The following SAFB2 variants were observed in gnomAD, a reference collection of about 807,000 sequenced individuals.
SAFB2 encodes the protein scaffold attachment factor B2.
A neutral mutation model predicts 100.6 loss-of-function variants in SAFB2; 32 were observed. The observed-to-expected ratio is 0.32, with a 90% CI of 0.24 to 0.43. SAFB2 has a LOEUF of 0.43. Ranked by LOEUF, SAFB2 falls within the 20% of genes least tolerant of loss-of-function variation. SAFB2 has a pLI of 1.00. For synonymous variants in SAFB2, 500 were observed against 439.4 expected, an observed-to-expected ratio of 1.14 and a Z score of -1.72; for missense variants, 1,185 against 1,163.4, an observed-to-expected ratio of 1.02 and a Z score of -0.27.
intron 2 of SAFB2, among the ~76,000 whole-genome samples, chr19:5,619,727 C>T (rs1270098732): frequency 2.6e-5 from 4 of 151,966 alleles, no homozygotes; most frequent in Non-Finnish European, 5.9e-5. Flanking sequence ...CACCTGTAAT[C>T]GCAGCTACTC....
intron 9 of SAFB2, among the ~76,000 whole-genome samples, chr19:5,609,304 T>C (rs1363956367): frequency 6.8e-6 from 1 of 147,968 alleles, no homozygotes; most frequent in East Asian, 2.0e-4. Flanking sequence ...TTCATTCTTT[T>C]TTTTTTTTTT....
At chr19:5,599,323 C>T (rs1269805259) in intron 12 of SAFB2, among the ~76,000 whole-genome samples, 3 of 152,214 alleles carry the variant, frequency 2.0e-5, no homozygotes, top group Non-Finnish European at 4.4e-5. Flanking sequence ...GTGGGCTTCC[C>T]TCCATTCATC....
chr19:5,590,264 G>A lies in SAFB2; in HGVS notation c.2525+14C>T, dbSNP rs765596918. On this transcript the variant is annotated intron_variant, in intron 18 of 20. Coordinates refer to ENST00000252542, the MANE Select transcript of SAFB2 (RefSeq NM_014649.3). Reference sequence around the variant, plus strand: ...GACAGATGCTCCCCACCCGGCTGGGGCTCACCCACTAACCTGGGGGGAGGG... The same window carrying A: ...GACAGATGCTCCCCACCCGGCTGGGACTCACCCACTAACCTGGGGGGAGGG... The A allele has an allele frequency of 4.4e-6, 7 of 1,574,812 alleles. No individual in the cohort carries two copies. The East Asian group carries it at 1.4e-4, about 31-fold the overall frequency.
chr19:5,603,061 G>A (rs1267907094), intron 11 of SAFB2, among the ~76,000 whole-genome samples: 1 of 152,042 alleles, frequency 6.6e-6, no homozygotes, highest in East Asian at 1.9e-4. Flanking sequence ...CTTGAGGCCA[G>A]GGTGGAAACC....
intron 4 of SAFB2, 126 bp downstream of exon 4, chr19:5,616,006 C>T: frequency 3.7e-6 from 3 of 815,840 alleles, no homozygotes; most frequent in Non-Finnish European, 4.0e-6. Flanking sequence ...GGTTTAACAC[C>T]AGGGTGTAGA....
intron 12 of SAFB2, among the ~76,000 whole-genome samples, chr19:5,599,216 A>G (rs879644360): frequency 6.6e-5 from 10 of 152,052 alleles, no homozygotes; most frequent in African/African-American, 1.9e-4. Flanking sequence ...GAGCTGGTCT[A>G]TGCTGTCACT....
intron 14 of SAFB2, among the ~76,000 whole-genome samples, 191 bp downstream of exon 14, chr19:5,595,170 C>G (rs2052509026): frequency 6.6e-6 from 1 of 152,200 alleles, no homozygotes. Context: ...TTCATGCCAC[C>G]TGGCATGTCT....
At chr19:5,600,609 T>A (rs370921818) in intron 11 of SAFB2, among the ~76,000 whole-genome samples, 14 of 152,298 alleles carry the variant, frequency 9.2e-5, no homozygotes, top group African/African-American at 3.4e-4. Context: ...TAATGTTTCA[T>A]CATGTATGTG....
intron 9 of SAFB2, among the ~76,000 whole-genome samples, chr19:5,608,955 C>T (rs898862467): frequency 6.8e-6 from 1 of 148,050 alleles, no homozygotes; most frequent in Non-Finnish European, 1.5e-5. Flanking sequence ...AGCTAAGGCA[C>T]GAGAATCACT....
At chr19:5,609,229 G>A (rs917346362) in intron 9 of SAFB2, among the ~76,000 whole-genome samples, 4 of 150,788 alleles carry the variant, frequency 2.7e-5, no homozygotes, top group Admixed American at 6.6e-5. Flanking sequence ...TTTGAACCAC[G>A]ATCATGTTCT....
At position 5,609,970 on chromosome 19, in the gene SAFB2, T is replaced by C. The variant is rs566004286; in HGVS notation, c.1296+25A>G. The C allele has an allele frequency of 6.9e-6, 11 of 1,587,260 alleles. No individual in the cohort carries two copies. The African/African-American group carries it at 8.1e-5, about 12-fold the overall frequency. On this transcript the variant is annotated intron_variant, in intron 9 of 20. Transcript: ENST00000252542. ...CTTTTTAACTCTGAATCACAGTGGA[T>C]GGTATGAGGCAAGGGAAGGCATACC... is the stretch of plus-strand genomic sequence containing the variant.
At position 5,605,035 on chromosome 19, in the gene SAFB2, C is replaced by T; in HGVS notation, c.1297-99G>A. On this transcript the variant is annotated intron_variant, in intron 9 of 20. Transcript: ENST00000252542. ...CAGAATCATTTTCACTATTTGTCAC[C>T]TCTCCCCATATGGTAGTTTTCCATT... The T allele has an allele frequency of 4.4e-6, 6 of 1,377,270 alleles. 1 individual carries two copies. The highest frequency in any genetic ancestry group is 1.3e-5 in the South Asian group (1 of 78,924). The allele number at this position is 1,377,270 out of a possible 1,614,324, so 85.3% of individuals were successfully genotyped here.
chr19:5,591,272 CTT>C lies in SAFB2; in HGVS notation c.2394+474_2394+475del, dbSNP rs1199975803. On this transcript the variant is annotated intron_variant, in intron 17 of 20. Coordinates refer to ENST00000252542, the MANE Select transcript of SAFB2 (RefSeq NM_014649.3). ...ATTACAAAACAATCAAATATTTGCG[CTT>C]TTTTTTTTTTTTTTTTTTTTTGAGA... The C allele has an allele frequency of 1.9e-4, 23 of 118,286 alleles. 2 individuals carry two copies. The highest frequency in any genetic ancestry group is 3.5e-4 in the Admixed American group (4 of 11,286). 7.3% of individuals were successfully genotyped at this position (118,286 alleles called of 1,614,324 possible). A position where few individuals can be genotyped will look rare whatever the true frequency, so the allele number is the denominator to read the frequency against.
chr19:5,617,776 T>C (rs988179813), intron 2 of SAFB2, among the ~76,000 whole-genome samples: 7 of 152,220 alleles, frequency 4.6e-5, no homozygotes, highest in African/African-American at 1.4e-4. Context: ...TGAGAAACCC[T>C]GTGGGACACC....
chr19:5,614,940 G>C (rs562970204), intron 4 of SAFB2, among the ~76,000 whole-genome samples: 1 of 152,322 alleles, frequency 6.6e-6, no homozygotes, highest in South Asian at 2.1e-4. Context: ...GCTAGGCGTG[G>C]TGACTCACCA....
chr19:5,598,652 C>G, intron 13 of SAFB2, 141 bp downstream of exon 13: 1 of 694,088 alleles, frequency 1.4e-6, no homozygotes. Context: ...GTGTCTGTAT[C>G]CGCAATCTAC....
chr19:5,609,687 T>C (rs538973311), intron 9 of SAFB2, among the ~76,000 whole-genome samples: 1 of 152,374 alleles, frequency 6.6e-6, no homozygotes, highest in African/African-American at 2.4e-5. Context: ...AAGCTGTTTA[T>C]ACAGCTGTTC....
intron 12 of SAFB2, 99 bp from the exon 13 acceptor site, chr19:5,598,983 G>T: frequency 9.6e-7 from 1 of 1,046,120 alleles, no homozygotes; most frequent in Non-Finnish European, 1.4e-6. Flanking sequence ...GAACACACAA[G>T]GCGTGAGTCA....
chr19:5,622,644 C>G lies in SAFB2; in HGVS notation c.72G>C (p.Glu24Asp). The G allele has an allele frequency of 1.2e-6, 2 of 1,610,996 alleles. No homozygotes were observed. The highest frequency in any genetic ancestry group is 1.1e-5 in the South Asian group (1 of 90,892). ...GTASLGPGVA[E>D]TGTRRLSELR... ...GCTCGCTGAGCCGCCTCGTCCCAGT[C>G]TCCGCAACGCCCGGGCCGAGAGAAG... is the stretch of plus-strand genomic sequence containing the variant. Residue 24 changes from glutamate to aspartate, a missense_variant, in exon 1 of 21, where the codon GAG becomes GAC. Transcript: ENST00000252542.
Sources: allele counts gnomAD v4.1 joint callset (sites outside exome capture counted in the v4.1 genomes callset), GRCh38; gene constraint gnomAD v4.1.1; transcripts MANE v1.5; gene names NCBI Gene and HGNC (gene_info 2026-07-23, HGNC 2026-07-21).